FIG4: variants seen among roughly 807,000 people sequenced by gnomAD.
The protein encoded by FIG4 is FIG4 phosphoinositide 5-phosphatase, also known as polyphosphoinositide phosphatase.
In FIG4, 112 loss-of-function variants were observed where a neutral mutation model predicts 118.6. That is an observed-to-expected ratio of 0.94 (90% CI 0.81 to 1.11). The LOEUF is 1.11. Ranked by LOEUF, FIG4 falls within the 50% of genes least tolerant of loss-of-function variation. The pLI is 0.00. For synonymous variants in FIG4, 369 were observed against 381.2 expected (o/e 0.97, Z 0.37); for missense variants, 969 against 1,111.7 (o/e 0.87, Z 1.83).
Position 109,765,113 on chromosome 6 carries a change from TG to T in FIG4, c.1538del (p.Gly513AspfsTer2), listed in dbSNP as rs1777242231. 1 of 1,613,914 alleles carries T rather than the reference TG, an allele frequency of 6.2e-7. No individual in the cohort carries two copies. The highest frequency in any genetic ancestry group is 1.3e-5 in the African/African-American group (1 of 74,932). ...KCALAYQLYS[L>X]GLIDKPNLQF... ...GCTCTGGCCTATCAGCTGTATTCAC[TG>T]GGACTGATTGACAAACCTAATCTAC... is the stretch of plus-strand genomic sequence containing the variant. On this transcript the variant is annotated frameshift_variant, in exon 14 of 23. Transcript: ENST00000230124. LOFTEE classifies it high-confidence loss of function.
At chr6:109,804,856 C>CTT (rs564555971) in intron 22 of FIG4, among the ~76,000 whole-genome samples, 1 of 152,132 alleles carries the variant, frequency 6.6e-6, no homozygotes, top group Non-Finnish European at 1.5e-5. Flanking sequence ...TATAAAGAGA[C>CTT]TTTGAGTTCT....
intron 10 of FIG4, among the ~76,000 whole-genome samples, chr6:109,751,414 T>A (rs1776691607): frequency 6.6e-6 from 1 of 152,218 alleles, no homozygotes; most frequent in African/African-American, 2.4e-5. Context: ...GGTATCAAGA[T>A]GATGCTGGCC....
At chr6:109,775,084 T>G (rs1292856259) in intron 15 of FIG4, among the ~76,000 whole-genome samples, 1 of 152,232 alleles carries the variant, frequency 6.6e-6, no homozygotes, top group Non-Finnish European at 1.5e-5. Flanking sequence ...GTGCATATTC[T>G]TTCTTCCCTT....
At chr6:109,771,985 G>T (rs937940147) in intron 15 of FIG4, among the ~76,000 whole-genome samples, 1 of 151,898 alleles carries the variant, frequency 6.6e-6, no homozygotes, top group Admixed American at 6.6e-5. Flanking sequence ...CTATTTTTCT[G>T]CTCTCATGAG....
intron 10 of FIG4, among the ~76,000 whole-genome samples, chr6:109,759,543 A>G (rs979337350): frequency 2.6e-5 from 4 of 152,204 alleles, no homozygotes; most frequent in Admixed American, 2.6e-4. Context: ...AATTGAGAAC[A>G]TTGCCCAAGG....
At chr6:109,790,114 A>G (rs1268404521) in intron 19 of FIG4, among the ~76,000 whole-genome samples, 2 of 152,208 alleles carry the variant, frequency 1.3e-5, no homozygotes, top group Admixed American at 6.5e-5. Flanking sequence ...CCAGTAAAGA[A>G]GAAGATATAC....
At chr6:109,799,799 G>C (rs1778382188) in intron 22 of FIG4, among the ~76,000 whole-genome samples, 1 of 152,194 alleles carries the variant, frequency 6.6e-6, no homozygotes, top group Non-Finnish European at 1.5e-5. Context: ...CGGTCTTGCA[G>C]GACTTTGCTT....
chr6:109,779,025 C>T (rs1777715172), intron 16 of FIG4, among the ~76,000 whole-genome samples: 1 of 152,152 alleles, frequency 6.6e-6, no homozygotes, highest in Non-Finnish European at 1.5e-5. Flanking sequence ...CAACTTAATA[C>T]TTGAGCTTAC....
At chr6:109,818,346 A>G (rs1456210070) in intron 22 of FIG4, among the ~76,000 whole-genome samples, 2 of 151,938 alleles carry the variant, frequency 1.3e-5, no homozygotes, top group African/African-American at 4.8e-5. Context: ...GATTACAGGC[A>G]TGCACCACCA....
intron 10 of FIG4, among the ~76,000 whole-genome samples, chr6:109,756,757 T>G (rs1330984334): frequency 2.6e-5 from 4 of 152,242 alleles, no homozygotes; most frequent in Non-Finnish European, 5.9e-5. Context: ...ATTCTTGACG[T>G]AGTTCTCAAG....
chr6:109,784,975 C>G lies in FIG4; in HGVS notation c.1895C>G (p.Thr632Ser). The change falls in exon 17 of 23, where the codon ACT becomes AGT. Residue 632 changes from threonine (T) to serine (S), a missense_variant. This residue lies in a region of FIG4 where 330 missense variants were observed against 348.1 expected (regional missense o/e 0.95). Coordinates refer to ENST00000230124, the MANE Select transcript of FIG4 (RefSeq NM_014845.6). ...TTTTAATTTTTATTTTATAGTTATA[C>G]TTACTGGTGGACACCAGAGGTGATA... ...MRLLPTRRSY[T>S]YWWTPEVIKH... 1 of 1,517,236 alleles carries G rather than the reference C, an allele frequency of 6.6e-7. No individual in the cohort carries two copies. Among genetic ancestry groups the G allele is most frequent in the Non-Finnish European group, 9.1e-7 (1 of 1,100,166 alleles). 94.0% of individuals were successfully genotyped at this position (1,517,236 alleles called of 1,614,324 possible).
intron 4 of FIG4, among the ~76,000 whole-genome samples, chr6:109,728,544 T>C (rs1176082273): frequency 6.6e-6 from 1 of 152,214 alleles, no homozygotes; most frequent in Non-Finnish European, 1.5e-5. Flanking sequence ...TTCCAATACA[T>C]GAACCAAAAT....
At chr6:109,781,431 T>C (rs1777799286) in intron 16 of FIG4, among the ~76,000 whole-genome samples, 2 of 152,148 alleles carry the variant, frequency 1.3e-5, no homozygotes. Flanking sequence ...GTCAATGTTC[T>C]TCTTAAACTG....
chr6:109,733,534 T>C (rs931251583), intron 5 of FIG4, among the ~76,000 whole-genome samples: 2 of 152,076 alleles, frequency 1.3e-5, no homozygotes, highest in Non-Finnish European at 2.9e-5. Context: ...GTGCTTTGCA[T>C]TAAAAATTAT....
At chr6:109,733,511 T>A (rs1776071193) in intron 5 of FIG4, among the ~76,000 whole-genome samples, 1 of 152,098 alleles carries the variant, frequency 6.6e-6, no homozygotes, top group African/African-American at 2.4e-5. Flanking sequence ...TGGTGTTACA[T>A]ACTACTGACA....
intron 22 of FIG4, among the ~76,000 whole-genome samples, chr6:109,821,245 G>C (rs113423154): frequency 2.6e-5 from 4 of 152,336 alleles, no homozygotes; most frequent in African/African-American, 7.2e-5. Flanking sequence ...GGAAACCTCA[G>C]AGAGCAAGCT....
intron 10 of FIG4, among the ~76,000 whole-genome samples, chr6:109,755,364 G>A (rs184304608): frequency 1.3e-5 from 2 of 152,252 alleles, no homozygotes; most frequent in Admixed American, 1.3e-4. Context: ...CACCTATGTG[G>A]TCAATTTTGG....
chr6:109,764,238 A>G (rs1242444241), intron 13 of FIG4, among the ~76,000 whole-genome samples: 1 of 152,114 alleles, frequency 6.6e-6, no homozygotes, highest in African/African-American at 2.4e-5. Flanking sequence ...GGAGATCGAG[A>G]CCATCCTGGC....
At chr6:109,692,244 A>G (rs187922205) in intron 1 of FIG4, among the ~76,000 whole-genome samples, 1 of 152,340 alleles carries the variant, frequency 6.6e-6, no homozygotes, top group East Asian at 1.9e-4. Flanking sequence ...TTGGTACAGT[A>G]TAGCTCTTCT....
Sources: gnomAD v4.1 joint callset for allele counts (sites outside exome capture counted in the v4.1 genomes callset) on GRCh38, gnomAD v4.1.1 for gene constraint, gnomAD v4.1.1 regional missense constraint, MANE v1.5 for transcripts, NCBI Gene and HGNC (gene_info 2026-07-23, HGNC 2026-07-21) for gene names.